CDC42BPA: variants seen among roughly 807,000 people sequenced by gnomAD.
The protein encoded by CDC42BPA is serine/threonine-protein kinase MRCK alpha.
A neutral mutation model predicts 223.5 loss-of-function variants in CDC42BPA; 80 were observed. The ratio of observed to expected loss-of-function variants is 0.36; its 90% CI spans 0.30 to 0.43. CDC42BPA has a LOEUF of 0.43. Ranked by LOEUF, CDC42BPA falls within the 20% of genes least tolerant of loss-of-function variation. The probability of loss-of-function intolerance (pLI) is 1.00; values close to 1 mark genes in which losing one functional copy is unlikely to be tolerated. For missense variants in CDC42BPA, 1,743 were observed against 2,099.9 expected, an observed-to-expected ratio of 0.83 and a Z score of 3.32; for synonymous variants, 694 against 718.6, an observed-to-expected ratio of 0.97 and a Z score of 0.55.
intron 2 of CDC42BPA, among the ~76,000 whole-genome samples, chr1:227,250,111 A>G (rs1212476523): frequency 6.6e-6 from 1 of 152,228 alleles, no homozygotes; most frequent in Non-Finnish European, 1.5e-5. Context: ...GCAATTATTA[A>G]GCATTGCATG....
At chr1:227,142,802 T>C (rs1034620149) in intron 9 of CDC42BPA, 143 bp downstream of exon 9, 7 of 383,792 alleles carry the variant, frequency 1.8e-5, no homozygotes, top group Non-Finnish European at 2.8e-5. Flanking sequence ...GTATTTTTAG[T>C]AGAGATGGGG....
At chr1:227,104,525 G>A (rs1685567885) in intron 14 of CDC42BPA, among the ~76,000 whole-genome samples, 1 of 152,126 alleles carries the variant, frequency 6.6e-6, no homozygotes, top group Admixed American at 6.6e-5. Flanking sequence ...GGTAATGAAA[G>A]TAAAAATGCT....
intron 17 of CDC42BPA, among the ~76,000 whole-genome samples, chr1:227,075,614 A>G (rs1679303038): frequency 6.6e-6 from 1 of 152,248 alleles, no homozygotes; most frequent in African/African-American, 2.4e-5. Context: ...ATGTTTGTGT[A>G]GCAAGGGTTG....
At chr1:227,264,150 T>G (rs564383620) in intron 1 of CDC42BPA, among the ~76,000 whole-genome samples, 15 of 152,370 alleles carry the variant, frequency 9.8e-5, no homozygotes, top group Non-Finnish European at 1.9e-4. Flanking sequence ...ACTTTTGCAA[T>G]GAATACATTT....
chr1:227,137,129 C>T (rs548794640), intron 10 of CDC42BPA, among the ~76,000 whole-genome samples: 2 of 152,078 alleles, frequency 1.3e-5, no homozygotes, highest in Admixed American at 6.5e-5. Context: ...AAGGTTTCTA[C>T]GTTGTTTGTG....
At position 227,074,232 on chromosome 1, in the gene CDC42BPA, C is replaced by T. The variant is rs186241806; in HGVS notation, c.2586+27G>A. On this transcript the variant is annotated intron_variant, in intron 18 of 36. Transcript: ENST00000366766. ...AATCTCTTTTTTCTAATATGATAAG[C>T]CTCCATGCAAAATCATAGAAGCTTA... 349 of 1,508,018 alleles carry T rather than the reference C, an allele frequency of 2.3e-4. No homozygotes were observed. The East Asian group carries it at 7.6e-3, about 33-fold the overall frequency. The allele number at this position is 1,508,018 out of a possible 1,614,324, so 93.4% of individuals were successfully genotyped here.
chr1:227,011,411 T>C (rs1394782887), intron 34 of CDC42BPA, among the ~76,000 whole-genome samples: 2 of 152,120 alleles, frequency 1.3e-5, no homozygotes, highest in East Asian at 1.9e-4. Flanking sequence ...ACATTAAGGA[T>C]AGAAAAAGCA....
rs749021206 is a variant in CDC42BPA, at chr1:227,069,764, G to A, written c.2904+13C>T. On this transcript the variant is annotated intron_variant, in intron 21 of 36. Coordinates refer to ENST00000366766, the MANE Select transcript of CDC42BPA (RefSeq NM_001394014.1). Reference sequence around the variant, plus strand: ...ATTGACCCCAGAGGATATGTGACATGTTTAATACTTACTTCAAATTGATCC... The same window carrying A: ...ATTGACCCCAGAGGATATGTGACATATTTAATACTTACTTCAAATTGATCC... The A allele has an allele frequency of 1.9e-6, 3 of 1,577,494 alleles. No individual in the cohort carries two copies. The highest frequency in any genetic ancestry group is 2.6e-6 in the Non-Finnish European group (3 of 1,147,730).
At chr1:227,045,715 T>C (rs1453186316) in intron 23 of CDC42BPA, among the ~76,000 whole-genome samples, 3 of 152,232 alleles carry the variant, frequency 2.0e-5, no homozygotes, top group Non-Finnish European at 4.4e-5. Context: ...ATATTTATCA[T>C]ATTTTCTTTA....
intron 1 of CDC42BPA, among the ~76,000 whole-genome samples, chr1:227,287,301 G>GCTGCAAGT (rs1688969611): frequency 6.6e-6 from 1 of 152,122 alleles, no homozygotes; most frequent in African/African-American, 2.4e-5. Context: ...TGCAAGGTTG[G>GCTGCAAGT]TCTATGGCTG....
intron 5 of CDC42BPA, among the ~76,000 whole-genome samples, chr1:227,162,824 A>C (rs1664161187): frequency 6.6e-6 from 1 of 151,252 alleles, no homozygotes; most frequent in African/African-American, 2.5e-5. Context: ...TGATGGAATG[A>C]GAAACTGTCT....
intron 8 of CDC42BPA, among the ~76,000 whole-genome samples, 168 bp downstream of exon 8, chr1:227,145,321 C>T (rs1420156957): frequency 2.0e-5 from 3 of 152,162 alleles, no homozygotes; most frequent in Non-Finnish European, 4.4e-5. Context: ...AGTTAACTTT[C>T]TTCTTAATTT....
In CDC42BPA at chr1:227,091,917, T is replaced by C. The variant is rs746269145; in HGVS notation, c.2324A>G (p.Glu775Gly). The C allele has an allele frequency of 6.2e-7, 1 of 1,605,704 alleles. No homozygotes were observed. Among genetic ancestry groups the C allele is most frequent in the South Asian group, 1.1e-5 (1 of 89,284 alleles). The change falls in exon 16 of 37, where the codon GAA becomes GGA. Residue 775 changes from glutamate (E) to glycine (G), a missense_variant. Physicochemically the swap from Glu to Gly is moderately conservative, Grantham distance 98. Coordinates refer to ENST00000366766, the MANE Select transcript of CDC42BPA (RefSeq NM_001394014.1). ...YEREKVLLTEENKKLTSELDK... is the reference protein window; with the variant it reads ...YEREKVLLTEGNKKLTSELDK... ...AAGTTCACTCGTCAGCTTTTTATTTTCTTCAGTTAACAACACTTTTTCTCG... is the reference window on the plus strand; with the variant it reads ...AAGTTCACTCGTCAGCTTTTTATTTCCTTCAGTTAACAACACTTTTTCTCG...
At chr1:227,298,132 G>A (rs892151693) in intron 1 of CDC42BPA, among the ~76,000 whole-genome samples, 2 of 151,264 alleles carry the variant, frequency 1.3e-5, no homozygotes, top group African/African-American at 2.4e-5. Flanking sequence ...TCTCAGTGTA[G>A]TAGGTAAAAA....
chr1:227,200,461 G>A (rs1240591851), intron 3 of CDC42BPA, among the ~76,000 whole-genome samples: 1 of 142,370 alleles, frequency 7.0e-6, no homozygotes, highest in Admixed American at 7.0e-5. Flanking sequence ...AAAAACGAAA[G>A]AAAGAAAGAA....
chr1:227,186,218 T>C (rs1668751158), intron 5 of CDC42BPA, among the ~76,000 whole-genome samples: 1 of 152,206 alleles, frequency 6.6e-6, no homozygotes, highest in Non-Finnish European at 1.5e-5. Flanking sequence ...TTTTGAGTTT[T>C]ACCACTAAGA....
intron 35 of CDC42BPA, 65 bp downstream of exon 35, chr1:227,004,929 C>A: frequency 9.5e-7 from 1 of 1,053,434 alleles, no homozygotes; most frequent in Non-Finnish European, 1.5e-6. Context: ...ACCCACGGGA[C>A]AGGAGGGGAG....
intron 1 of CDC42BPA, among the ~76,000 whole-genome samples, chr1:227,289,740 CA>C (rs1689383067): frequency 6.6e-6 from 1 of 152,018 alleles, no homozygotes; most frequent in Admixed American, 6.5e-5. Flanking sequence ...CAAAAAACAA[CA>C]AATCTTAAGG....
rs897459407 is a variant in CDC42BPA, at chr1:227,147,660, T to A, written c.694-101A>T. ...TAGACATTATTATCTCATAAACACA[T>A]CTTTGTCATTATCTGAAAAATAATA... On this transcript the variant is annotated intron_variant, in intron 6 of 36. Transcript: ENST00000366766. 23 of 575,936 alleles carry A rather than the reference T, an allele frequency of 4.0e-5. No individual in the cohort carries two copies. In the East Asian group the frequency reaches 6.5e-4, roughly 16 times the overall value. 35.7% of individuals were successfully genotyped at this position (575,936 alleles called of 1,614,324 possible). A position where few individuals can be genotyped will look rare whatever the true frequency, so the allele number is the denominator to read the frequency against.
Sources: gnomAD v4.1 joint callset for allele counts (sites outside exome capture counted in the v4.1 genomes callset) on GRCh38, gnomAD v4.1.1 for gene constraint, MANE v1.5 for transcripts, NCBI Gene and HGNC (gene_info 2026-07-23, HGNC 2026-07-21) for gene names.